SLIT3: variants seen among roughly 807,000 people sequenced by gnomAD.
The protein encoded by SLIT3 is slit guidance ligand 3.
In SLIT3, 68 loss-of-function variants were observed where a neutral mutation model predicts 184.0. The ratio of observed to expected loss-of-function variants is 0.37; its 90% confidence interval spans 0.30 to 0.45. The LOEUF is 0.45. Among genes scored for constraint, SLIT3 ranks in the 20% least tolerant of loss-of-function variants. The pLI, the probability that SLIT3 is intolerant of heterozygous loss-of-function variation, is 1.00. For synonymous variants in SLIT3, 831 were observed against 828.6 expected (o/e 1.00, Z -0.05); for missense variants, 1,707 against 2,026.0 (o/e 0.84, Z 3.02).
Position 169,209,746 on chromosome 5 carries a change from C to T in SLIT3, c.342-16196G>A, listed in dbSNP as rs189757928. On this transcript the variant is annotated intron_variant, in intron 3 of 35. Transcript: ENST00000519560. ...TCACTCATAATTGGGAGTTGAACAA[C>T]GAGAACACATGGACATAGCAAGGGG... is the stretch of plus-strand genomic sequence containing the variant. Among the ~76,000 whole-genome samples the T allele has an allele frequency of 4.0e-3, 608 of 152,018 alleles. 5 individuals carry two copies. Among genetic ancestry groups the T allele is most frequent in the African/African-American group, 0.014 (580 of 41,446 alleles).
At chr5:169,292,039 C>T (rs915629106) in intron 1 of SLIT3, among the ~76,000 whole-genome samples, 2 of 152,182 alleles carry the variant, frequency 1.3e-5, no homozygotes, top group Admixed American at 1.3e-4. Context: ...TTGTTGTTGT[C>T]GTTTACAGAG....
chr5:168,791,060 G>C (rs563399106), intron 10 of SLIT3: 3 of 152,160 alleles, frequency 2.0e-5, no homozygotes, highest in Admixed American at 2.0e-4. Flanking sequence ...CTTTTCTTCC[G>C]CGCTCCGGTT....
At chr5:169,103,434 C>T (rs6889853) in intron 4 of SLIT3, among the ~76,000 whole-genome samples, 36 of 152,254 alleles carry the variant, frequency 2.4e-4, no homozygotes, top group Admixed American at 7.8e-4. Flanking sequence ...AAAACTAAGA[C>T]GAGGATATGC....
chr5:168,722,873 G>C, intron 22 of SLIT3, 60 bp downstream of exon 22: 1 of 1,299,960 alleles, frequency 7.7e-7, no homozygotes, highest in Non-Finnish European at 1.1e-6. Flanking sequence ...GGGAGGGAAA[G>C]AGTAACCATC....
intron 14 of SLIT3, among the ~76,000 whole-genome samples, chr5:168,766,717 G>A (rs559023037): frequency 2.6e-5 from 4 of 152,342 alleles, no homozygotes; most frequent in East Asian, 3.9e-4. Context: ...GGGCAGTGCC[G>A]AGGGCCTCAG....
intron 8 of SLIT3, among the ~76,000 whole-genome samples, chr5:168,807,877 C>T (rs1200240670): frequency 6.6e-6 from 1 of 152,154 alleles, no homozygotes; most frequent in Non-Finnish European, 1.5e-5. Context: ...ACGCTTCAAA[C>T]AGAAGGTGGT....
rs1025853862 is a variant in SLIT3, at chr5:168,671,197, C to T, written c.4127+1G>A. 6.2e-7 allele frequency: 1 copy of T among 1,605,380 alleles called. No homozygotes were observed. Among genetic ancestry groups the T allele is most frequent in the Non-Finnish European group, 8.5e-7 (1 of 1,174,420 alleles). On this transcript the variant is annotated splice_donor_variant, in intron 34 of 35. Transcript: ENST00000519560. LOFTEE classifies it high-confidence loss of function. ...ACAGCCAGGGCTCCTGGGACACTGACCTGTGGCCGAGGCAGGGGTCCCGGG... is the reference window on the plus strand; with the variant it reads ...ACAGCCAGGGCTCCTGGGACACTGATCTGTGGCCGAGGCAGGGGTCCCGGG...
At chr5:169,134,125 T>C (rs1207555830) in intron 4 of SLIT3, among the ~76,000 whole-genome samples, 2 of 152,212 alleles carry the variant, frequency 1.3e-5, no homozygotes, top group Non-Finnish European at 2.9e-5. Context: ...AAAAAGCAAC[T>C]GATTCCCCTA....
intron 5 of SLIT3, among the ~76,000 whole-genome samples, chr5:168,870,288 G>GAT (rs1581163206): frequency 2.6e-5 from 4 of 152,284 alleles, no homozygotes; most frequent in South Asian, 4.1e-4. Context: ...GTTTATCTGG[G>GAT]GCTACAAGAA....
chr5:168,967,256 C>A (rs906628757), intron 4 of SLIT3, among the ~76,000 whole-genome samples: 2 of 151,802 alleles, frequency 1.3e-5, no homozygotes. Flanking sequence ...GAGACACACA[C>A]TGGGGTAAAA....
chr5:168,833,926 A>G (rs1232716147), intron 6 of SLIT3, among the ~76,000 whole-genome samples: 3 of 152,104 alleles, frequency 2.0e-5, no homozygotes, highest in Admixed American at 6.5e-5. Flanking sequence ...GCTCTAAAAT[A>G]GCATTTCTGG....
At chr5:169,204,754 CAA>C (rs913972122) in intron 3 of SLIT3, among the ~76,000 whole-genome samples, 3 of 152,120 alleles carry the variant, frequency 2.0e-5, no homozygotes, top group Non-Finnish European at 4.4e-5. Context: ...CAGTGAAAAA[CAA>C]AGCCAGATTC....
At chr5:169,213,251 T>G (rs548990287) in intron 3 of SLIT3, among the ~76,000 whole-genome samples, 2 of 142,940 alleles carry the variant, frequency 1.4e-5, no homozygotes, top group Non-Finnish European at 3.0e-5. Flanking sequence ...GAATACAACT[T>G]ACAAGGGTTG....
At chr5:168,936,725 C>G (rs1445998155) in intron 4 of SLIT3, among the ~76,000 whole-genome samples, 1 of 152,176 alleles carries the variant, frequency 6.6e-6, no homozygotes, top group Non-Finnish European at 1.5e-5. Context: ...GGGTGACATG[C>G]TAACACTGAC....
chr5:169,097,701 G>A (rs535042355), intron 4 of SLIT3, among the ~76,000 whole-genome samples: 28 of 152,236 alleles, frequency 1.8e-4, no homozygotes, highest in East Asian at 3.9e-4. Flanking sequence ...GCAGTCAGGC[G>A]CAGCAGCAGT....
intron 21 of SLIT3, among the ~76,000 whole-genome samples, chr5:168,723,633 C>T (rs1763015200): frequency 6.6e-6 from 1 of 152,186 alleles, no homozygotes; most frequent in African/African-American, 2.4e-5. Flanking sequence ...TTCATTTACT[C>T]CGTCTTATCA....
chr5:169,082,609 C>G (rs965891376), intron 4 of SLIT3, among the ~76,000 whole-genome samples: 1 of 152,160 alleles, frequency 6.6e-6, no homozygotes, highest in Non-Finnish European at 1.5e-5. Context: ...TACCTACCTA[C>G]CTGAATCCTG....
chr5:168,695,633 T>C (rs577350438), intron 28 of SLIT3, among the ~76,000 whole-genome samples: 1 of 152,304 alleles, frequency 6.6e-6, no homozygotes, highest in South Asian at 2.1e-4. Flanking sequence ...TATATTTAAC[T>C]GTCCTTTTTA....
At chr5:168,958,431 A>ATGCAT (rs1430708546) in intron 4 of SLIT3, among the ~76,000 whole-genome samples, 1 of 152,222 alleles carries the variant, frequency 6.6e-6, no homozygotes, top group Non-Finnish European at 1.5e-5. Context: ...CAGGTTTTAT[A>ATGCAT]TGCATTCTCT....
Sources: gnomAD v4.1 joint callset for allele counts (sites outside exome capture counted in the v4.1 genomes callset) on GRCh38, gnomAD v4.1.1 for gene constraint, MANE v1.5 for transcripts, NCBI Gene and HGNC (gene_info 2026-07-23, HGNC 2026-07-21) for gene names.